Variants in MED17 observed in about 807,000 individuals in gnomAD.
MED17 encodes the protein mediator complex subunit 17.
MED17 carries 49 observed loss-of-function variants against 80.8 expected under a neutral mutation model. The observed-to-expected ratio is 0.61, with a 90% CI of 0.48 to 0.77. The LOEUF is 0.77. MED17 is among the 30% of genes least tolerant of loss of function. The pLI is 0.00. For synonymous variants in MED17, 281 were observed against 280.4 expected (o/e 1.00, Z -0.02); for missense variants, 718 against 787.0 (o/e 0.91, Z 1.05).
chr11:93,801,703 A>G, intron 8 of MED17, 132 bp from the exon 9 acceptor site: 1 of 808,358 alleles, frequency 1.2e-6, no homozygotes, highest in South Asian at 1.6e-5. Flanking sequence ...CTTTATTTAA[A>G]GTCTGCCTAC....
chr11:93,784,668 G>A lies in MED17; in HGVS notation c.155G>A (p.Gly52Asp), dbSNP rs770312610. 11 of 1,562,300 alleles carry A rather than the reference G, an allele frequency of 7.0e-6. No homozygotes were observed. The South Asian group carries it at 1.1e-4, about 15-fold the overall frequency. ...GCCCAGCGGATAGACTTCAGCCAGGGTTCGGGCTCCGAGGAGGAGGAGGCG... is the reference window on the plus strand; with the variant it reads ...GCCCAGCGGATAGACTTCAGCCAGGATTCGGGCTCCGAGGAGGAGGAGGCG... ...RLAQRIDFSQ[G>D]SGSEEEEAAG... The change falls in exon 1 of 12, where the codon GGT becomes GAT. Residue 52 changes from glycine (G) to aspartate (D), a missense_variant. Gly to Asp is a moderately conservative substitution (Grantham distance 94). Transcript: ENST00000251871.
intron 3 of MED17, among the ~76,000 whole-genome samples, chr11:93,791,407 C>T (rs1446531527): frequency 6.6e-6 from 1 of 151,972 alleles, no homozygotes; most frequent in Admixed American, 6.6e-5. Flanking sequence ...ACCTGTAACC[C>T]TTAAAAACTG....
At position 93,801,982 on chromosome 11, in the gene MED17, C is replaced by G. The variant is rs1943967859; in HGVS notation, c.1466+10C>G. On this transcript the variant is annotated intron_variant, in intron 9 of 11. Transcript: ENST00000251871. ...ATGAACAAATATGCAAGTAAGTGGC[C>G]AAAATAAAAGTTTTGTATTTAATAT... 1 of 1,608,248 alleles carries G rather than the reference C, an allele frequency of 6.2e-7. No individual in the cohort carries two copies. Among genetic ancestry groups the G allele is most frequent in the Non-Finnish European group, 8.5e-7 (1 of 1,177,266 alleles).
chr11:93,796,446 A>G lies in MED17; in HGVS notation c.1049A>G (p.Asn350Ser). 6.2e-7 allele frequency: 1 copy of G among 1,613,358 alleles called. No homozygotes were observed. The highest frequency in any genetic ancestry group is 8.5e-7 in the Non-Finnish European group (1 of 1,179,318). Residue 350 changes from asparagine (N) to serine (S), a missense_variant, in exon 7 of 12, where the codon AAT (asparagine) becomes AGT (serine). Transcript: ENST00000251871. The stretch of plus-strand genomic sequence containing the variant: ...TCTATTTCTTTGTGCCATTCCTCAA[A>G]TGATAAGAAATCCCAAAAATTTGCT... Reference protein sequence around the residue: ...QLSISLCHSSNDKKSQKFATE... With the variant: ...QLSISLCHSSSDKKSQKFATE...
At position 93,784,338 on chromosome 11, in the gene MED17, T is replaced by G; in HGVS notation, c.-176T>G. The G allele has an allele frequency of 1.2e-6, 1 of 830,590 alleles. No homozygotes were observed. Among genetic ancestry groups the G allele is most frequent in the East Asian group, 2.8e-5 (1 of 35,932 alleles). 51.5% of individuals were successfully genotyped at this position (830,590 alleles called of 1,614,324 possible). A position where few individuals can be genotyped will look rare whatever the true frequency, so the allele number is the denominator to read the frequency against. On this transcript the variant is annotated 5_prime_UTR_variant, in exon 1 of 12. Coordinates refer to ENST00000251871, the MANE Select transcript of MED17 (RefSeq NM_004268.5). ...AGCTTGCGGTGCGTTCTGGGAAAGT[T>G]GCTGGGCCAGCTCCTTTGTTTCCAG...
rs553014429 is a variant in MED17 at position 93,812,445 on chromosome 11, C to CT, written c.*392dup. The stretch of plus-strand genomic sequence containing the variant: ...TTTTTCCCCCCAAATACTTTCTAAA[C>CT]TTTTTTTTTTTGAGATGGTATCTCA... On this transcript the variant is annotated 3_prime_UTR_variant, in exon 12 of 12. Transcript: ENST00000251871. 53,117 of 341,694 alleles carry CT rather than the reference C, an allele frequency of 0.16. 1,464 individuals carry two copies. Among genetic ancestry groups the CT allele is most frequent in the South Asian group, 0.21 (4,276 of 20,818 alleles). The allele number at this position is 341,694 out of a possible 1,614,324, so 21.2% of individuals were successfully genotyped here. A position where few individuals can be genotyped will look rare whatever the true frequency, so the allele number is the denominator to read the frequency against.
chr11:93,800,594 A>C (rs1220879559), intron 8 of MED17: 1 of 149,206 alleles, frequency 6.7e-6, no homozygotes, highest in African/African-American at 2.5e-5. Context: ...GCACCACTGC[A>C]CTCCATCCTG....
chr11:93,795,949 G>GTTTT, intron 6 of MED17: 2 of 152,326 alleles, frequency 1.3e-5, no homozygotes, highest in South Asian at 1.8e-4. Context: ...TTCATGAATA[G>GTTTT]TTTTTTTTTT....
chr11:93,785,614 A>G (rs1309463436), intron 1 of MED17, among the ~76,000 whole-genome samples: 1 of 152,214 alleles, frequency 6.6e-6, no homozygotes, highest in African/African-American at 2.4e-5. Context: ...GTAATTTTTG[A>G]GGATTGAAGT....
At position 93,807,588 on chromosome 11, in the gene MED17, AC is replaced by A; in HGVS notation, c.1538del (p.Thr513AsnfsTer37). 1 of 1,613,518 alleles carries A rather than the reference AC, an allele frequency of 6.2e-7. No individual in the cohort carries two copies. Among genetic ancestry groups the A allele is most frequent in the Non-Finnish European group, 8.5e-7 (1 of 1,179,486 alleles). ...RVVHRDGRVI[T>X]LSYQEQELQD... Reference sequence around the variant, plus strand: ...TGTACATAGAGATGGAAGAGTAATTACACTGTCTTATCAGGAGCAGGAGCTA... The same window carrying A: ...TGTACATAGAGATGGAAGAGTAATTAACTGTCTTATCAGGAGCAGGAGCTA... On this transcript the variant is annotated frameshift_variant, in exon 10 of 12. Transcript: ENST00000251871. LOFTEE classifies it high-confidence loss of function.
intron 3 of MED17, among the ~76,000 whole-genome samples, chr11:93,792,314 G>C (rs1408011103): frequency 6.6e-6 from 1 of 152,172 alleles, no homozygotes; most frequent in African/African-American, 2.4e-5. Context: ...GGGTTATTTT[G>C]AATCCTGAAG....
chr11:93,811,921 C>T lies in MED17; in HGVS notation c.1813C>T (p.Pro605Ser). Residue 605 changes from proline to serine, a missense_variant, in exon 12 of 12, where the codon CCA becomes TCA. Transcript: ENST00000251871. ...QFPRNQCKDLPKSDVLQDNKW... is the reference protein window; with the variant it reads ...QFPRNQCKDLSKSDVLQDNKW... ...TCCTCGTAACCAATGTAAAGACCTT[C>T]CAAAAAGTGATGTTTTACAAGATAA... is the stretch of plus-strand genomic sequence containing the variant. 1 of 1,614,032 alleles carries T rather than the reference C, an allele frequency of 6.2e-7. No homozygotes were observed. Among genetic ancestry groups the T allele is most frequent in the Non-Finnish European group, 8.5e-7 (1 of 1,179,992 alleles).
rs868784306 is a variant in MED17, at chr11:93,784,302, A to T, written c.-212A>T. 1 of 644,110 alleles carries T rather than the reference A, an allele frequency of 1.6e-6. No individual in the cohort carries two copies. Among genetic ancestry groups the T allele is most frequent in the Non-Finnish European group, 2.6e-6 (1 of 389,020 alleles). The allele number at this position is 644,110 out of a possible 1,614,324, so 39.9% of individuals were successfully genotyped here. ...TGCCCAGTTTTGCTCCGAAAGACTT[A>T]CCGAGGAGGGAGCTTGCGGTGCGTT... On this transcript the variant is annotated 5_prime_UTR_variant, in exon 1 of 12. Coordinates refer to ENST00000251871, the MANE Select transcript of MED17 (RefSeq NM_004268.5).
chr11:93,784,660 C>A lies in MED17; in HGVS notation c.147C>A (p.Phe49Leu), dbSNP rs1406149710. Residue 49 changes from phenylalanine to leucine, a missense_variant, in exon 1 of 12, where the codon TTC (phenylalanine) becomes TTA (leucine). Physicochemically the swap from Phe to Leu is conservative, Grantham distance 22. Transcript: ENST00000251871. ...NLARLAQRID[F>L]SQGSGSEEEE... is the part of the protein sequence containing the mutation. ...CGCGTCTGGCCCAGCGGATAGACTT[C>A]AGCCAGGGTTCGGGCTCCGAGGAGG... The A allele has an allele frequency of 3.2e-6, 5 of 1,566,478 alleles. No individual in the cohort carries two copies. The highest frequency in any genetic ancestry group is 4.3e-6 in the Non-Finnish European group (5 of 1,156,292).
In MED17 at chr11:93,812,569, G is replaced by A. The variant is rs1591393091; in HGVS notation, c.*505G>A. 1 of 171,850 alleles carries A rather than the reference G, an allele frequency of 5.8e-6. No individual in the cohort carries two copies. Among genetic ancestry groups the A allele is most frequent in the Non-Finnish European group, 1.2e-5 (1 of 81,512 alleles). 10.6% of individuals were successfully genotyped at this position (171,850 alleles called of 1,614,324 possible). On this transcript the variant is annotated 3_prime_UTR_variant, in exon 12 of 12. Coordinates refer to ENST00000251871, the MANE Select transcript of MED17 (RefSeq NM_004268.5). ...TCCTTCTGTCTCAGCCTTCCGAGTA[G>A]CTGGGACCACAGGCATGCACAACCA...
chr11:93,799,722 G>A (rs969956069), intron 8 of MED17, among the ~76,000 whole-genome samples: 35 of 152,194 alleles, frequency 2.3e-4, no homozygotes, highest in African/African-American at 8.4e-4. Flanking sequence ...GCTGCAGTGA[G>A]CTGTGATCAC....
chr11:93,785,200 C>G (rs926926056), intron 1 of MED17, among the ~76,000 whole-genome samples: 2 of 152,136 alleles, frequency 1.3e-5, no homozygotes, highest in South Asian at 4.1e-4. Flanking sequence ...AAATGTGTGA[C>G]GAGGTCCAAG....
At chr11:93,789,787 T>G (rs905813404) in intron 2 of MED17, 2 of 118,564 alleles carry the variant, frequency 1.7e-5, no homozygotes, top group African/African-American at 3.0e-5. Flanking sequence ...AGCAAGACCC[T>G]GTCTCTACCA....
Position 93,796,522 on chromosome 11 carries a change from G to T in MED17, c.1125G>T (p.Leu375Phe). 1 of 1,614,110 alleles carries T rather than the reference G, an allele frequency of 6.2e-7. No individual in the cohort carries two copies. The highest frequency in any genetic ancestry group is 1.1e-5 in the South Asian group (1 of 91,074). ...ACCTTTATGTCCTAGAGCATAATTT[G>T]CATCTACTGATTAGAGAGGTAAGGA... ...EDHLYVLEHN[L>F]HLLIREFHKQ... Residue 375 changes from leucine to phenylalanine, a missense_variant, in exon 7 of 12, where the codon TTG becomes TTT. Leu to Phe is a conservative substitution (Grantham distance 22). Coordinates refer to ENST00000251871, the MANE Select transcript of MED17 (RefSeq NM_004268.5).
Sources: allele counts gnomAD v4.1 joint callset (sites outside exome capture counted in the v4.1 genomes callset), GRCh38; gene constraint gnomAD v4.1.1; transcripts MANE v1.5; gene names NCBI Gene and HGNC (gene_info 2026-07-23, HGNC 2026-07-21).